The following ANK1 variants were observed in gnomAD, a reference collection of about 807,000 sequenced individuals.
The protein encoded by ANK1 is ankyrin-1.
Under a neutral mutation model 210.4 loss-of-function variants are expected in ANK1, and 51 were observed. That is an observed-to-expected ratio of 0.24 (90% CI 0.19 to 0.31). The LOEUF (loss-of-function observed/expected upper bound fraction) is 0.31. Ranked by LOEUF, ANK1 falls within the 10% of genes least tolerant of loss-of-function variation. ANK1 has a pLI of 1.00. For missense variants in ANK1, 2,051 were observed against 2,504.4 expected (o/e 0.82, Z 3.86); for synonymous variants, 967 against 1,025.9 (o/e 0.94, Z 1.10).
intron 15 of ANK1, among the ~76,000 whole-genome samples, chr8:41,714,487 C>G (rs146624459): frequency 6.6e-6 from 1 of 152,192 alleles, no homozygotes; most frequent in African/African-American, 2.4e-5. Flanking sequence ...AGAAGGCCAT[C>G]GGGTCTTTCC....
At chr8:41,742,448 A>G (rs1028998613) in intron 2 of ANK1, among the ~76,000 whole-genome samples, 2 of 152,190 alleles carry the variant, frequency 1.3e-5, no homozygotes, top group African/African-American at 4.8e-5. Context: ...TCACCCGTGC[A>G]CAAGGCTGGC....
chr8:41,655,060 TCCACAGCAGAG>T lies in ANK1; in HGVS notation c.*719_*729del, dbSNP rs1805209625. On this transcript the variant is annotated 3_prime_UTR_variant, in exon 43 of 43. Coordinates refer to ENST00000289734, the MANE Select transcript of ANK1 (RefSeq NM_000037.4). ...AGACAACATAAAAAATTCCAATTTATCCACAGCAGAGTCTATACAGCTTCAGAAGTCACAGT... is the reference window on the plus strand; with the variant it reads ...AGACAACATAAAAAATTCCAATTTATTCTATACAGCTTCAGAAGTCACAGT... 1 of 103,422 alleles carries T rather than the reference TCCACAGCAGAG, an allele frequency of 9.7e-6. No homozygotes were observed. Among genetic ancestry groups the T allele is most frequent in the African/African-American group, 4.1e-5 (1 of 24,310 alleles). The allele number at this position is 103,422 out of a possible 1,614,324, so 6.4% of individuals were successfully genotyped here. A position where few individuals can be genotyped will look rare whatever the true frequency, so the allele number is the denominator to read the frequency against.
intron 6 of ANK1, 64 bp downstream of exon 6, chr8:41,725,697 C>A: frequency 6.4e-7 from 1 of 1,560,234 alleles, no homozygotes; most frequent in South Asian, 1.2e-5. Context: ...GCTGGGCGTG[C>A]GCGGTGCCCC....
Position 41,822,100 on chromosome 8 carries a change from GAGAGAGAGAGAGAGAAAGAA to G in ANK1, c.127-63983_127-63964del, listed in dbSNP as rs1183018269. On this transcript the variant is annotated intron_variant, in intron 1 of 42. Transcript: ENST00000265709. Reference sequence around the variant, plus strand: ...AGAGAGAGAGAGAGAGAGAGAGAGAGAGAGAGAGAGAGAGAAAGAAAGAGAAAGAAAGAGAAAGAAAGAAA... The same window carrying G: ...AGAGAGAGAGAGAGAGAGAGAGAGAGAGAGAAAGAAAGAGAAAGAAAGAAA... 9.4e-3 allele frequency among the ~76,000 whole-genome samples: 868 copies of G among 92,230 alleles called. 12 individuals carry two copies. Among genetic ancestry groups the G allele is most frequent in the African/African-American group, 0.022 (463 of 20,654 alleles). The allele number at this position is 92,230 out of a possible 152,430, so 60.5% of individuals were successfully genotyped here.
At chr8:41,774,468 C>T (rs1843598188) in intron 1 of ANK1, among the ~76,000 whole-genome samples, 1 of 152,204 alleles carries the variant, frequency 6.6e-6, no homozygotes. Flanking sequence ...CCACTGTCCT[C>T]TTCTGGGCAG....
chr8:41,861,172 G>A (rs1237092002), intron 1 of ANK1, among the ~76,000 whole-genome samples: 1 of 152,164 alleles, frequency 6.6e-6, no homozygotes, highest in Admixed American at 6.5e-5. Context: ...ATTAACTCCG[G>A]ACAAGGAGAG....
chr8:41,780,016 C>T (rs1047922461), intron 1 of ANK1, among the ~76,000 whole-genome samples: 2 of 152,166 alleles, frequency 1.3e-5, no homozygotes, highest in African/African-American at 2.4e-5. Flanking sequence ...CTACAGAGCA[C>T]GGTAGCCCCT....
chr8:41,835,452 AAAAAT>A (rs1807485412), intron 1 of ANK1, among the ~76,000 whole-genome samples: 1 of 152,146 alleles, frequency 6.6e-6, no homozygotes. Flanking sequence ...ACTCCGTCTC[AAAAAT>A]AAAATAAAAT....
intron 1 of ANK1, among the ~76,000 whole-genome samples, chr8:41,796,712 T>G (rs1375914685): frequency 1.3e-5 from 2 of 151,468 alleles, no homozygotes; most frequent in Non-Finnish European, 2.9e-5. Flanking sequence ...TACTACCCTT[T>G]CAGCGTGTGT....
At chr8:41,741,656 C>T (rs1350267018) in intron 2 of ANK1, among the ~76,000 whole-genome samples, 2 of 152,020 alleles carry the variant, frequency 1.3e-5, no homozygotes, top group Non-Finnish European at 2.9e-5. Flanking sequence ...AAGCGATTTA[C>T]GTGGCCCGCT....
intron 1 of ANK1, among the ~76,000 whole-genome samples, chr8:41,776,401 C>T (rs1318712053): frequency 1.3e-5 from 2 of 152,030 alleles, no homozygotes; most frequent in African/African-American, 2.4e-5. Context: ...AATGGGGAGG[C>T]CTTGAATCAA....
intron 3 of ANK1, among the ~76,000 whole-genome samples, chr8:41,728,993 T>C (rs961155022): frequency 6.6e-6 from 1 of 152,176 alleles, no homozygotes; most frequent in Non-Finnish European, 1.5e-5. Flanking sequence ...CTCAGGCCCA[T>C]ACCTTTGACG....
intron 39 of ANK1, among the ~76,000 whole-genome samples, chr8:41,667,039 A>G (rs921534018): frequency 1.3e-5 from 2 of 152,222 alleles, no homozygotes; most frequent in African/African-American, 4.8e-5. Context: ...TTCCCCAGGG[A>G]TTCAGGAGAA....
Position 41,661,851 on chromosome 8 carries a change from C to A in ANK1, c.5544+25G>T, listed in dbSNP as rs1209532517. The A allele has an allele frequency of 2.5e-6, 4 of 1,614,156 alleles. No homozygotes were observed. In the East Asian group the frequency reaches 8.9e-5, roughly 36 times the overall value. On this transcript the variant is annotated intron_variant, in intron 41 of 42. Coordinates refer to ENST00000289734, the MANE Select transcript of ANK1 (RefSeq NM_000037.4). ...ATATCGACCTCCAGCTCACTGGGATCCTCCAGGGGCCCCTCTACAGTCACC... is the reference window on the plus strand; with the variant it reads ...ATATCGACCTCCAGCTCACTGGGATACTCCAGGGGCCCCTCTACAGTCACC...
chr8:41,754,789 C>A (rs1256603143), intron 2 of ANK1, among the ~76,000 whole-genome samples: 1 of 152,194 alleles, frequency 6.6e-6, no homozygotes, highest in Non-Finnish European at 1.5e-5. Flanking sequence ...CCCCCACCAC[C>A]AGGACTCTCC....
chr8:41,851,559 A>G (rs1441046656), intron 1 of ANK1, among the ~76,000 whole-genome samples: 1 of 152,204 alleles, frequency 6.6e-6, no homozygotes, highest in Non-Finnish European at 1.5e-5. Context: ...TAAGTATTAA[A>G]AGCCCTAGCT....
chr8:41,693,091 T>C lies in ANK1; in HGVS notation c.3629+14A>G, dbSNP rs1007113760. ...CGGCCCACACAATACTGGGCTGGGCTGGCCTCGTCTCACCTGGCAGAGACA... is the reference window on the plus strand; with the variant it reads ...CGGCCCACACAATACTGGGCTGGGCCGGCCTCGTCTCACCTGGCAGAGACA... On this transcript the variant is annotated intron_variant, in intron 30 of 42. Transcript: ENST00000289734. 17 of 1,594,108 alleles carry C rather than the reference T, an allele frequency of 1.1e-5. No individual in the cohort carries two copies. The highest frequency in any genetic ancestry group is 1.5e-5 in the Non-Finnish European group (17 of 1,161,976).
At chr8:41,708,061 T>C (rs1825148557) in intron 17 of ANK1, among the ~76,000 whole-genome samples, 1 of 152,184 alleles carries the variant, frequency 6.6e-6, no homozygotes. Flanking sequence ...GAGGTTTCCT[T>C]TCGGAGTGAT....
chr8:41,723,312 C>G, intron 8 of ANK1, 89 bp from the exon 9 acceptor site: 1 of 1,406,966 alleles, frequency 7.1e-7, no homozygotes, highest in Non-Finnish European at 1.0e-6. Context: ...ATCATCCCAG[C>G]CCACGCAAGT....
Sources: gnomAD v4.1 joint callset for allele counts (sites outside exome capture counted in the v4.1 genomes callset) on GRCh38, gnomAD v4.1.1 for gene constraint, MANE v1.5 for transcripts, NCBI Gene and HGNC (gene_info 2026-07-23, HGNC 2026-07-21) for gene names.